SPINK2: variants seen among roughly 807,000 people sequenced by gnomAD.
SPINK2 encodes the protein serine peptidase inhibitor Kazal type 2.
SPINK2 carries 8 observed loss-of-function variants against 13.5 expected under a neutral mutation model. That is an observed-to-expected ratio of 0.59 (90% CI 0.35 to 1.07). The LOEUF (loss-of-function observed/expected upper bound fraction) is 1.07. Ranked by LOEUF, SPINK2 falls within the 50% of genes least tolerant of loss-of-function variation. The pLI is 0.02. For synonymous variants in SPINK2, 76 were observed against 74.7 expected (o/e 1.02, Z -0.09); for missense variants, 148 against 180.3 (o/e 0.82, Z 1.03).
At chr4:56,820,671 A>G (rs1578440302) in intron 1 of SPINK2, 92 bp from the exon 2 acceptor site, 1 of 1,121,310 alleles carries the variant, frequency 8.9e-7, no homozygotes, top group Non-Finnish European at 1.3e-6. Flanking sequence ...AAGTCTTGCT[A>G]TGTTGCCCAG....
intron 1 of SPINK2, among the ~76,000 whole-genome samples, chr4:56,821,169 A>T (rs1337358095): frequency 1.3e-5 from 2 of 152,254 alleles, no homozygotes; most frequent in Non-Finnish European, 2.9e-5. Flanking sequence ...AAAATTTAAT[A>T]TAAGATGTGA....
chr4:56,821,638 C>A lies in SPINK2; in HGVS notation c.25G>T (p.Ala9Ser), dbSNP rs766029238. The A allele has an allele frequency of 6.5e-7, 1 of 1,547,212 alleles. No homozygotes were observed. Among genetic ancestry groups the A allele is most frequent in the Non-Finnish European group, 8.7e-7 (1 of 1,147,186 alleles). ...AAGGTAACTGCCAGGAGCAGCAGCG[C>A]CAAGCGCAGCACCGACAGCGCCATC... MALSVLRL[A>S]LLLLAVTFAG... Residue 9 changes from alanine (A) to serine (S), a missense_variant, in exon 1 of 4, where the codon GCG (alanine) becomes TCG (serine). Ala to Ser is a moderately conservative substitution (Grantham distance 99, BLOSUM62 1). Coordinates refer to ENST00000506738, the MANE Select transcript of SPINK2 (RefSeq NM_001271718.2).
intron 1 of SPINK2, 190 bp downstream of exon 1, chr4:56,821,268 C>T (rs1717909815): frequency 1.0e-6 from 1 of 980,384 alleles, no homozygotes; most frequent in Admixed American, 6.2e-5. Context: ...CATTCCTGCA[C>T]ATCTCCTCCC....
At position 56,811,733 on chromosome 4, in the gene SPINK2, C is replaced by G. The variant is rs760038974; in HGVS notation, c.311G>C (p.Ser104Thr). 6.2e-7 allele frequency: 1 copy of G among 1,611,196 alleles called. No homozygotes were observed. Among genetic ancestry groups the G allele is most frequent in the East Asian group, 2.2e-5 (1 of 44,782 alleles). ...CPRHFNPVCGSDMSTYANECT... is the reference protein window; with the variant it reads ...CPRHFNPVCGTDMSTYANECT... Reference sequence around the variant, plus strand: ...TTCATTGGCATAAGTGGACATGTCACTGCCACACACAGGGTTAAAGTGTCT... The same window carrying G: ...TTCATTGGCATAAGTGGACATGTCAGTGCCACACACAGGGTTAAAGTGTCT... The change falls in exon 3 of 4, where the codon AGT (serine) becomes ACT (threonine). Residue 104 changes from serine to threonine, a missense_variant. By Grantham distance (58) the Ser-to-Thr change is moderately conservative (BLOSUM62 1). Coordinates refer to ENST00000506738, the MANE Select transcript of SPINK2 (RefSeq NM_001271718.2).
At position 56,817,919 on chromosome 4, in the gene SPINK2, G is replaced by T. The variant is rs77687064; in HGVS notation, c.249+2617C>A. 6.3e-3 allele frequency among the ~76,000 whole-genome samples: 960 copies of T among 152,202 alleles called. 12 individuals carry two copies. Among genetic ancestry groups the T allele is most frequent in the African/African-American group, 0.021 (874 of 41,506 alleles). On this transcript the variant is annotated intron_variant, in intron 2 of 3. Transcript: ENST00000506738. ...ATAAACTATGAGAAAGCACCAGAAG[G>T]TACAGGTAGAAAAGTAGGCTGTGTC...
chr4:56,812,115 C>T (rs1317039107), intron 2 of SPINK2, among the ~76,000 whole-genome samples: 5 of 150,854 alleles, frequency 3.3e-5, no homozygotes, highest in African/African-American at 9.7e-5. Context: ...AAGCTGGTCT[C>T]GAACTTCTGA....
chr4:56,817,629 T>G (rs1427800685), intron 2 of SPINK2, among the ~76,000 whole-genome samples: 1 of 70,434 alleles, frequency 1.4e-5, no homozygotes, highest in African/African-American at 8.0e-5. Flanking sequence ...GGCGGGCAGA[T>G]GACCTGAGGT....
chr4:56,815,615 G>A (rs917795941), intron 2 of SPINK2, among the ~76,000 whole-genome samples: 6 of 152,046 alleles, frequency 3.9e-5, no homozygotes, highest in South Asian at 4.1e-4. Flanking sequence ...CAGGAGAATC[G>A]CTTGAACCTG....
intron 2 of SPINK2, among the ~76,000 whole-genome samples, chr4:56,815,827 G>A (rs1263160237): frequency 6.6e-6 from 1 of 150,676 alleles, no homozygotes; most frequent in East Asian, 2.0e-4. Context: ...AACAAGGCCA[G>A]GTATGGTGGC....
chr4:56,819,900 T>C (rs532128627), intron 2 of SPINK2, among the ~76,000 whole-genome samples: 3 of 152,144 alleles, frequency 2.0e-5, no homozygotes, highest in East Asian at 1.9e-4. Flanking sequence ...CAGGCGTGAG[T>C]CACTGCGCCC....
chr4:56,813,817 C>T (rs978911184), intron 2 of SPINK2, among the ~76,000 whole-genome samples: 1 of 151,798 alleles, frequency 6.6e-6, no homozygotes. Context: ...CAGGGTTTCA[C>T]CATGTTAGCC....
intron 2 of SPINK2, chr4:56,816,730 T>A (rs926036029): frequency 4.7e-5 from 7 of 148,240 alleles, no homozygotes; most frequent in African/African-American, 1.7e-4. Flanking sequence ...CGAAAAAAAA[T>A]TAGCTGGGCA....
In SPINK2 at chr4:56,821,513, G is replaced by A. The variant is rs1395182013; in HGVS notation, c.150C>T (p.Gly50=). ...CGGGCGCGCGGGTACCGTCGCCGAG[G>A]CCGCCCGGAGCAGGGCAGGGTCCGC... ...TGGGPCPAPG[G]LGDGTRAPVT... is the part of the protein sequence containing the mutation. The change falls in exon 1 of 4, where the codon GGC becomes GGT. Residue 50 remains glycine, a synonymous_variant. Coordinates refer to ENST00000506738, the MANE Select transcript of SPINK2 (RefSeq NM_001271718.2). The A allele has an allele frequency of 1.9e-6, 3 of 1,541,340 alleles. No individual in the cohort carries two copies. The highest frequency in any genetic ancestry group is 2.5e-5 in the East Asian group (1 of 40,682).
chr4:56,815,698 C>CA (rs1447353750), intron 2 of SPINK2, among the ~76,000 whole-genome samples: 1 of 150,774 alleles, frequency 6.6e-6, no homozygotes, highest in Non-Finnish European at 1.5e-5. Flanking sequence ...GACCGTGTCT[C>CA]AAAAAACAAA....
At chr4:56,817,786 G>A (rs185276081) in intron 2 of SPINK2, among the ~76,000 whole-genome samples, 10 of 152,050 alleles carry the variant, frequency 6.6e-5, no homozygotes, top group African/African-American at 2.4e-4. Flanking sequence ...CTCAGCAGAT[G>A]GAGGTTGCAG....
upstream of SPINK2, chr4:56,821,715 G>A (rs913388287): frequency 5.7e-6 from 8 of 1,402,566 alleles, no homozygotes; most frequent in Middle Eastern, 2.6e-4. Context: ...TGCGCCACTC[G>A]CAGGGAGCGC....
At chr4:56,821,767 C>A (rs892943037), upstream of SPINK2, 3 of 1,174,884 alleles carry the variant, frequency 2.6e-6, no homozygotes, top group African/African-American at 8.0e-5. Context: ...AGGGGCGGGG[C>A]GAGAATGGGA....
rs57162077 is a variant in SPINK2, at chr4:56,812,563, C to CAAAAAAAAAAAAA, written c.250-782_250-770dup. 5.5e-4 allele frequency among the ~76,000 whole-genome samples: 9 copies of CAAAAAAAAAAAAA among 16,370 alleles called. 1 individual carries two copies. The highest frequency in any genetic ancestry group is 4.9e-4 in the Non-Finnish European group (4 of 8,206). The allele number at this position is 16,370 out of a possible 152,430, so 10.7% of individuals were successfully genotyped here. A position where few individuals can be genotyped will look rare whatever the true frequency, so the allele number is the denominator to read the frequency against. On this transcript the variant is annotated intron_variant, in intron 2 of 3. Coordinates refer to ENST00000506738, the MANE Select transcript of SPINK2 (RefSeq NM_001271718.2). The stretch of plus-strand genomic sequence containing the variant: ...GGGCAACGAGAACGAAACTCCATCT[C>CAAAAAAAAAAAAA]AAAAAAAAAAAAAAAAAAAAAAAAA...
intron 3 of SPINK2, 73 bp from the exon 4 acceptor site, chr4:56,810,257 A>C: frequency 7.9e-7 from 1 of 1,268,184 alleles, no homozygotes; most frequent in South Asian, 1.3e-5. Flanking sequence ...TTGTGTTAAA[A>C]AGACCCATGT....
Sources: gnomAD v4.1 joint callset for allele counts (sites outside exome capture counted in the v4.1 genomes callset) on GRCh38, gnomAD v4.1.1 for gene constraint, MANE v1.5 for transcripts, NCBI Gene and HGNC (gene_info 2026-07-23, HGNC 2026-07-21) for gene names.